UEVLD: variants seen among roughly 807,000 people sequenced by gnomAD.
UEVLD encodes the protein UEV and lactate/malate dehyrogenase domains.
In UEVLD, 47 loss-of-function variants were observed where a neutral mutation model predicts 58.6. That is an observed-to-expected ratio of 0.80 (90% CI 0.63 to 1.02). UEVLD has a LOEUF of 1.02. Among genes scored for constraint, UEVLD ranks in the 50% least tolerant of loss-of-function variants. The pLI is 0.00. For synonymous variants in UEVLD, 197 were observed against 195.3 expected (o/e 1.01, Z -0.07); for missense variants, 510 against 550.6 (o/e 0.93, Z 0.74).
At chr11:18,550,048 C>T (rs1565117598) in intron 7 of UEVLD, among the ~76,000 whole-genome samples, 2 of 152,082 alleles carry the variant, frequency 1.3e-5, no homozygotes, top group Non-Finnish European at 2.9e-5. Flanking sequence ...TCTTGAACTC[C>T]TGACCTCAGG....
At chr11:18,550,109 A>T (rs1170440270) in intron 7 of UEVLD, among the ~76,000 whole-genome samples, 1 of 152,212 alleles carries the variant, frequency 6.6e-6, no homozygotes. Context: ...GGTGTGAGCC[A>T]CTGTGCCCGG....
At position 18,575,392 on chromosome 11, in the gene UEVLD, T is replaced by C; in HGVS notation, c.148A>G (p.Lys50Glu). ...DTYVFKDSSQKDLLNFTGTIP... is the reference protein window; with the variant it reads ...DTYVFKDSSQEDLLNFTGTIP... ...GTGCCAGTAAAATTCAGCAGGTCTT[T>C]CTGAGAACTATCTTTAAAAACTAGA... Residue 50 changes from lysine to glutamate, a missense_variant, in exon 3 of 12, where the codon AAA becomes GAA. Transcript: ENST00000396197. The C allele has an allele frequency of 6.2e-7, 1 of 1,607,514 alleles. No homozygotes were observed. Among genetic ancestry groups the C allele is most frequent in the Non-Finnish European group, 8.5e-7 (1 of 1,178,404 alleles).
intron 4 of UEVLD, among the ~76,000 whole-genome samples, chr11:18,568,119 C>G (rs141128785): frequency 6.6e-6 from 1 of 152,050 alleles, no homozygotes; most frequent in Admixed American, 6.6e-5. Context: ...CACTCCAGCA[C>G]GGGTGAAGAC....
intron 1 of UEVLD, chr11:18,587,527 G>A (rs891910120): frequency 6.6e-6 from 1 of 152,214 alleles, no homozygotes; most frequent in African/African-American, 2.4e-5. Flanking sequence ...TTAAGGCCGG[G>A]TGCGGTGGTT....
At position 18,547,039 on chromosome 11, in the gene UEVLD, A is replaced by G. The variant is rs756047478; in HGVS notation, c.727T>C (p.Ser243Pro). 1 of 1,611,166 alleles carries G rather than the reference A, an allele frequency of 6.2e-7. No homozygotes were observed. Among genetic ancestry groups the G allele is most frequent in the South Asian group, 1.1e-5 (1 of 90,264 alleles). ...NVEISKDLSA[S>P]AHSKVVIFTV... The stretch of plus-strand genomic sequence containing the variant: ...AAGATCACCACCTTGGAATGAGCAG[A>G]GGCAGACAAATCTAGTGAATGAAAA... The change falls in exon 8 of 12, where the codon TCT becomes CCT. Residue 243 changes from serine to proline, a missense_variant. Coordinates refer to ENST00000396197, the MANE Select transcript of UEVLD (RefSeq NM_001040697.4).
intron 1 of UEVLD, among the ~76,000 whole-genome samples, chr11:18,584,216 C>CA (rs1853418705): frequency 1.3e-5 from 2 of 151,940 alleles, no homozygotes; most frequent in South Asian, 2.1e-4. Flanking sequence ...ACTGTCTCTA[C>CA]AAAAATAAAA....
At chr11:18,547,500 C>T (rs915094290) in intron 7 of UEVLD, among the ~76,000 whole-genome samples, 12 of 152,050 alleles carry the variant, frequency 7.9e-5, no homozygotes, top group Non-Finnish European at 1.6e-4. Context: ...TCCAGAGTCT[C>T]GTGACAGAGT....
chr11:18,577,778 A>C (rs1260028271), intron 2 of UEVLD, among the ~76,000 whole-genome samples: 4 of 151,578 alleles, frequency 2.6e-5, no homozygotes, highest in Non-Finnish European at 5.9e-5. Flanking sequence ...AGGCTGAGGC[A>C]GGAGAATCGC....
chr11:18,556,813 C>G (rs151335911), intron 7 of UEVLD, among the ~76,000 whole-genome samples: 2 of 151,980 alleles, frequency 1.3e-5, no homozygotes, highest in African/African-American at 4.8e-5. Context: ...TGAGATAGGG[C>G]AGGGTGCGGT....
At chr11:18,563,294 A>T (rs970970819) in intron 6 of UEVLD, among the ~76,000 whole-genome samples, 2 of 152,102 alleles carry the variant, frequency 1.3e-5, no homozygotes, top group Non-Finnish European at 2.9e-5. Context: ...TATTTTTTAA[A>T]ATTATGTACA....
At position 18,563,866 on chromosome 11, in the gene UEVLD, G is replaced by A. The variant is rs140091245; in HGVS notation, c.612+1026C>T. The A allele has an allele frequency of 6.0e-3, 1,158 of 194,434 alleles. 13 individuals carry two copies. The highest frequency in any genetic ancestry group is 0.026 in the African/African-American group (1,098 of 42,822). The allele number at this position is 194,434 out of a possible 1,614,324, so 12.0% of individuals were successfully genotyped here. A position where few individuals can be genotyped will look rare whatever the true frequency, so the allele number is the denominator to read the frequency against. On this transcript the variant is annotated intron_variant, in intron 6 of 11. Transcript: ENST00000396197. ...CTAAAAATACAAAAATTAGCTGGGC[G>A]TCGTGGCGCATGCCTGTAGTCCCAG...
At chr11:18,581,124 T>C (rs1360935125) in intron 1 of UEVLD, among the ~76,000 whole-genome samples, 3 of 147,958 alleles carry the variant, frequency 2.0e-5, no homozygotes, top group Non-Finnish European at 3.0e-5. Context: ...ATGGTGCCAT[T>C]GCACTCCAGC....
At chr11:18,565,116 G>A in intron 5 of UEVLD, 106 bp from the exon 6 acceptor site, 1 of 789,922 alleles carries the variant, frequency 1.3e-6, no homozygotes, top group South Asian at 1.8e-5. Flanking sequence ...GAGAAAATAT[G>A]GTGCTAGTCC....
intron 4 of UEVLD, among the ~76,000 whole-genome samples, chr11:18,567,763 C>T (rs530701263): frequency 2.6e-5 from 4 of 152,192 alleles, no homozygotes; most frequent in Non-Finnish European, 5.9e-5. Context: ...AATTATGCTA[C>T]ATAATTATAA....
chr11:18,566,978 CT>C (rs906065491), intron 4 of UEVLD, among the ~76,000 whole-genome samples: 1 of 152,096 alleles, frequency 6.6e-6, no homozygotes, highest in Non-Finnish European at 1.5e-5. Flanking sequence ...AGTACATATA[CT>C]CTTCACCTAG....
In UEVLD at chr11:18,529,667, A is replaced by C. The variant is rs1850488108; in HGVS notation, c.*2653T>G. The C allele has an allele frequency of 6.6e-6, 1 of 152,212 alleles. No homozygotes were observed. The highest frequency in any genetic ancestry group is 1.5e-5 in the Non-Finnish European group (1 of 68,044). 9.4% of individuals were successfully genotyped at this position (152,212 alleles called of 1,614,324 possible). ...CTTAATATTTAAGGAAAACAATGTA[A>C]AATGGGAAAAAATGTATCTTCTGCT... On this transcript the variant is annotated 3_prime_UTR_variant, in exon 12 of 12. Transcript: ENST00000396197.
chr11:18,543,741 A>G (rs918414981), intron 9 of UEVLD, among the ~76,000 whole-genome samples: 1 of 152,250 alleles, frequency 6.6e-6, no homozygotes, highest in Non-Finnish European at 1.5e-5. Flanking sequence ...GCAAGAGAGA[A>G]ACAATAAAAG....
intron 9 of UEVLD, among the ~76,000 whole-genome samples, chr11:18,537,324 A>ATATTTTTTTT (rs1160942409): frequency 1.5e-5 from 2 of 131,572 alleles, no homozygotes; most frequent in East Asian, 2.2e-4. Flanking sequence ...ATATATATAT[A>ATATTTTTTTT]TTTTTTTTTT....
chr11:18,551,406 GA>G (rs1565118539), intron 7 of UEVLD, among the ~76,000 whole-genome samples: 32 of 141,532 alleles, frequency 2.3e-4, no homozygotes, highest in Admixed American at 1.5e-3. Context: ...CTGGGCAACC[GA>G]GTAAGACTCC....
Sources: gnomAD v4.1 joint callset for allele counts (sites outside exome capture counted in the v4.1 genomes callset) on GRCh38, gnomAD v4.1.1 for gene constraint, MANE v1.5 for transcripts, NCBI Gene and HGNC (gene_info 2026-07-23, HGNC 2026-07-21) for gene names.